Variants in DYNC2H1 observed in about 807,000 individuals in gnomAD.
DYNC2H1 encodes cytoplasmic dynein 2 heavy chain 1.
A neutral mutation model predicts 570.0 loss-of-function variants in DYNC2H1; 410 were observed. The ratio of observed to expected loss-of-function variants is 0.72; its 90% CI spans 0.66 to 0.78. DYNC2H1 has a LOEUF of 0.78. Ranked by LOEUF, DYNC2H1 falls within the 30% of genes least tolerant of loss-of-function variation. The pLI, the probability that DYNC2H1 is intolerant of heterozygous loss-of-function variation, is 0.00. For synonymous variants in DYNC2H1, 1,688 were observed against 1,677.6 expected, an observed-to-expected ratio of 1.01 and a Z score of -0.15; for missense variants, 4,865 against 5,046.4, an observed-to-expected ratio of 0.96 and a Z score of 1.09.
rs1860839083 is a variant in DYNC2H1, at chr11:103,156,615, A to G, written c.3972A>G (p.Lys1324=). Residue 1324 remains lysine, a synonymous_variant, in exon 26 of 89, where the codon AAA becomes AAG. Coordinates refer to ENST00000375735, the MANE Select transcript of DYNC2H1 (RefSeq NM_001377.3). ...CTTATTATAAAGGATTTGAAGATAAAGTATCAATTTGGGAAAGAAAACTTG... is the reference window on the plus strand; with the variant it reads ...CTTATTATAAAGGATTTGAAGATAAGGTATCAATTTGGGAAAGAAAACTTG... The part of the protein sequence containing the change: ...DSPYYKGFED[K]VSIWERKLAE... The G allele has an allele frequency of 1.2e-6, 2 of 1,613,582 alleles. No individual in the cohort carries two copies. The highest frequency in any genetic ancestry group is 1.7e-6 in the Non-Finnish European group (2 of 1,179,718).
At position 103,277,742 on chromosome 11, in the gene DYNC2H1, T is replaced by G. The variant is rs1347048874; in HGVS notation, c.10696-2606T>G. 1.3e-5 allele frequency among the ~76,000 whole-genome samples: 2 copies of G among 152,138 alleles called. No individual in the cohort carries two copies. Among genetic ancestry groups the G allele is most frequent in the Non-Finnish European group, 2.9e-5 (2 of 68,028 alleles). ...GGTAACCTAGTGACATCATGATTAGTTCTGTTGTTTAGGGACTCCCTGTCA... is the reference window on the plus strand; with the variant it reads ...GGTAACCTAGTGACATCATGATTAGGTCTGTTGTTTAGGGACTCCCTGTCA... On this transcript the variant is annotated intron_variant, in intron 70 of 88. Coordinates refer to ENST00000375735, the MANE Select transcript of DYNC2H1 (RefSeq NM_001377.3). This position sits in a 1 kb window ranked among gnomAD's most constrained non-coding sequence, Gnocchi z 4.3.
At chr11:103,451,590 C>A (rs1459470926) in intron 85 of DYNC2H1, among the ~76,000 whole-genome samples, 1 of 152,030 alleles carries the variant, frequency 6.6e-6, no homozygotes, top group East Asian at 1.9e-4. Flanking sequence ...CTCAGCTTCC[C>A]AAAGTGCTGG....
intron 83 of DYNC2H1, among the ~76,000 whole-genome samples, chr11:103,389,514 C>A (rs1379931945): frequency 6.6e-6 from 1 of 152,028 alleles, no homozygotes; most frequent in African/African-American, 2.4e-5. Flanking sequence ...CTGCTCTGAT[C>A]TTAGTTATTT....
At position 103,319,763 on chromosome 11, in the gene DYNC2H1, A is replaced by G. The variant is rs1938067925; in HGVS notation, c.11726-1266A>G. 6.6e-6 allele frequency among the ~76,000 whole-genome samples: 1 copy of G among 152,174 alleles called. No individual in the cohort carries two copies. Among genetic ancestry groups the G allele is most frequent in the South Asian group, 2.1e-4 (1 of 4,826 alleles). ...TTGAAAGATACACTAATATGTCTGT[A>G]TTCCTTAATGACTTATCAATGACTG... On this transcript the variant is annotated intron_variant, in intron 80 of 88. Coordinates refer to ENST00000375735, the MANE Select transcript of DYNC2H1 (RefSeq NM_001377.3). This position sits in a 1 kb window ranked among gnomAD's most constrained non-coding sequence, Gnocchi z 4.3.
rs1337273416 is a variant in DYNC2H1 at position 103,256,912 on chromosome 11, C to T, written c.10461+672C>T. On this transcript the variant is annotated intron_variant, in intron 68 of 88. Transcript: ENST00000375735. The surrounding 1 kb of genome is among the most constrained non-coding windows in gnomAD (Gnocchi z 4.0). ...TTTACCATTTCATCTTACCCACTTT[C>T]CCCTAATACTAGTGCTGTTGGTCCT... Among the ~76,000 whole-genome samples the T allele has an allele frequency of 2.6e-5, 4 of 152,168 alleles. No homozygotes were observed. The East Asian group carries it at 7.7e-4, about 29-fold the overall frequency.
At chr11:103,120,136 A>T (rs1392695671) in intron 6 of DYNC2H1, among the ~76,000 whole-genome samples, 3 of 152,196 alleles carry the variant, frequency 2.0e-5, no homozygotes. Context: ...AATGAGCTCT[A>T]AATATAGTTT....
Position 103,399,809 on chromosome 11 carries a change from C to T in DYNC2H1, c.12303C>T (p.Ile4101=). The stretch of plus-strand genomic sequence containing the variant: ...CTCTTGCTGCTCTCAGCAAAGTCAT[C>T]AGAGGAACTACTTTACTGAGTTCAG... ...HQSLAALSKV[I]RGTTLLSSEV... Residue 4101 remains isoleucine, a synonymous_variant, in exon 84 of 89, where the codon ATC becomes ATT. Coordinates refer to ENST00000375735, the MANE Select transcript of DYNC2H1 (RefSeq NM_001377.3). 6.2e-7 allele frequency: 1 copy of T among 1,613,956 alleles called. No individual in the cohort carries two copies. The highest frequency in any genetic ancestry group is 8.5e-7 in the Non-Finnish European group (1 of 1,179,872).
intron 84 of DYNC2H1, among the ~76,000 whole-genome samples, chr11:103,424,129 G>C (rs185329087): frequency 2.6e-5 from 4 of 152,052 alleles, no homozygotes; most frequent in Non-Finnish European, 4.4e-5. Flanking sequence ...TGGATCCAGA[G>C]TATTTTGGGG....
chr11:103,162,582 G>A (rs1385176818), intron 29 of DYNC2H1, among the ~76,000 whole-genome samples: 1 of 152,034 alleles, frequency 6.6e-6, no homozygotes, highest in Non-Finnish European at 1.5e-5. Context: ...CTATGGTTAC[G>A]ACTTTATGAA....
In DYNC2H1 at chr11:103,428,192, T is replaced by C. The variant is rs913787435; in HGVS notation, c.12367-7751T>C. ...GTCTCTCTATAACATGAGCTTTTTT[T>C]TTTTTTTTCAGAATATCTGAAAGAG... On this transcript the variant is annotated intron_variant, in intron 84 of 88. Coordinates refer to ENST00000375735, the MANE Select transcript of DYNC2H1 (RefSeq NM_001377.3). Among the ~76,000 whole-genome samples the C allele has an allele frequency of 8.0e-5, 12 of 150,644 alleles. 1 individual carries two copies. Among genetic ancestry groups the C allele is most frequent in the African/African-American group, 2.9e-4 (12 of 41,064 alleles).
intron 83 of DYNC2H1, among the ~76,000 whole-genome samples, chr11:103,367,137 AAT>A (rs1940945171): frequency 6.6e-6 from 1 of 152,152 alleles, no homozygotes; most frequent in Non-Finnish European, 1.5e-5. Context: ...TTTAATGAAT[AAT>A]ATATGAGTTG....
At position 103,135,515 on chromosome 11, in the gene DYNC2H1, G is replaced by A; in HGVS notation, c.2226G>A (p.Met742Ile). 2 of 1,574,344 alleles carry A rather than the reference G, an allele frequency of 1.3e-6. No individual in the cohort carries two copies. Among genetic ancestry groups the A allele is most frequent in the Non-Finnish European group, 1.7e-6 (2 of 1,161,920 alleles). ...ATTAGGGATTCCAAGCAAGTGACAT[G>A]CATGCATGGAAACAACACTGGAATC... ...VEAQGFQASDMHAWKQHWNHQ... is the reference protein window; with the variant it reads ...VEAQGFQASDIHAWKQHWNHQ... The change falls in exon 16 of 89, where the codon ATG (methionine) becomes ATA (isoleucine). Residue 742 changes from methionine (M) to isoleucine (I), a missense_variant. Met to Ile is a conservative substitution (Grantham distance 10). Coordinates refer to ENST00000375735, the MANE Select transcript of DYNC2H1 (RefSeq NM_001377.3).
rs146311662 is a variant in DYNC2H1, at chr11:103,170,449, G to A, written c.5151+159G>A. On this transcript the variant is annotated intron_variant, in intron 33 of 88. Coordinates refer to ENST00000375735, the MANE Select transcript of DYNC2H1 (RefSeq NM_001377.3). This position sits in a 1 kb window ranked among gnomAD's most constrained non-coding sequence, Gnocchi z 4.8. ...AATGTAAAATGGACAGAGGTTGTAC[G>A]TAGTATAGTCCAAAACTTTTCTAAG... Among the ~76,000 whole-genome samples, 186 of 152,248 alleles carry A rather than the reference G, an allele frequency of 1.2e-3. No individual in the cohort carries two copies. The highest frequency in any genetic ancestry group is 3.8e-3 in the African/African-American group (159 of 41,542).
At chr11:103,427,971 AAAAAT>A (rs546159639) in intron 84 of DYNC2H1, among the ~76,000 whole-genome samples, 1 of 151,620 alleles carries the variant, frequency 6.6e-6, no homozygotes, top group Non-Finnish European at 1.5e-5. Context: ...GAATATATAT[AAAAAT>A]AAAAAGCATA....
intron 24 of DYNC2H1, 145 bp from the exon 25 acceptor site, chr11:103,155,186 A>G (rs1025766728): frequency 1.9e-5 from 15 of 788,188 alleles, no homozygotes; most frequent in Middle Eastern, 3.8e-4. Flanking sequence ...CTGTTTAAGA[A>G]TATGATTTTA....
chr11:103,354,013 T>C (rs951302355), intron 82 of DYNC2H1, among the ~76,000 whole-genome samples: 2 of 151,582 alleles, frequency 1.3e-5, no homozygotes, highest in Non-Finnish European at 2.9e-5. Context: ...TCTGTTCCTA[T>C]TAAAAATACA....
At chr11:103,213,584 G>A (rs1863244927) in intron 54 of DYNC2H1, among the ~76,000 whole-genome samples, 1 of 151,160 alleles carries the variant, frequency 6.6e-6, no homozygotes, top group Non-Finnish European at 1.5e-5. Flanking sequence ...GATTAGTGAT[G>A]TTGAACATTT....
At chr11:103,178,372 A>G (rs1230279920) in intron 38 of DYNC2H1, among the ~76,000 whole-genome samples, 3 of 152,092 alleles carry the variant, frequency 2.0e-5, no homozygotes, top group Non-Finnish European at 4.4e-5. Flanking sequence ...AGTAAGTGAA[A>G]GCATTGGAAG....
At chr11:103,409,726 G>T (rs1243933568) in intron 84 of DYNC2H1, 2 of 154,884 alleles carry the variant, frequency 1.3e-5, no homozygotes, top group South Asian at 3.8e-4. Flanking sequence ...TGCTACTCAT[G>T]AATCTTCCCA....
Sources: gnomAD v4.1 joint callset for allele counts (sites outside exome capture counted in the v4.1 genomes callset) on GRCh38, gnomAD v4.1.1 for gene constraint, Gnocchi (gnomAD v3.1) non-coding constraint, MANE v1.5 for transcripts, NCBI Gene and HGNC (gene_info 2026-07-23, HGNC 2026-07-21) for gene names.